The following CPAP variants were observed in gnomAD, a reference collection of about 807,000 sequenced individuals.
The protein encoded by CPAP is centrosomal P4.1-associated protein.
chr13:24,933,951 C>T, the CPAP span, among the ~76,000 whole-genome samples: 3 of 152,244 alleles, frequency 2.0e-5, no homozygotes, highest in East Asian at 5.8e-4. Flanking sequence ...GTCTTAAACT[C>T]CTGACCTCAT....
At chr13:24,882,906 C>A in the CPAP span, 1 of 436,780 alleles carries the variant, frequency 2.3e-6, no homozygotes, top group Non-Finnish European at 4.2e-6. Context: ...AACCAATAAA[C>A]ACACCCACTT....
chr13:24,892,534 C>A, the CPAP span: 9 of 848,188 alleles, frequency 1.1e-5, no homozygotes, highest in Non-Finnish European at 1.8e-5. Context: ...TCCCCACTGC[C>A]CCCCCAGCCC....
the CPAP span, chr13:24,924,970 C>T: frequency 6.6e-6 from 1 of 152,110 alleles, no homozygotes; most frequent in East Asian, 1.9e-4. Context: ...TAGCAAAAAA[C>T]CTCCACATAG....
chr13:24,900,967 C>T, the CPAP span, among the ~76,000 whole-genome samples: 4 of 152,252 alleles, frequency 2.6e-5, no homozygotes, highest in Admixed American at 6.5e-5. Flanking sequence ...CAGGAGCTCA[C>T]TTTTTCTAAA....
chr13:24,898,455 G>A, the CPAP span, among the ~76,000 whole-genome samples: 21 of 152,190 alleles, frequency 1.4e-4, no homozygotes, highest in South Asian at 3.5e-3. Context: ...ATAGGTGGCC[G>A]GAGCAAGGGT....
the CPAP span, chr13:24,883,274 G>A: frequency 4.6e-4 from 740 of 1,613,900 alleles, 1 homozygote; most frequent in Admixed American, 1.3e-3. Context: ...TGCATATACG[G>A]TTTTAACAGT....
At chr13:24,886,302 T>TAG in the CPAP span, 2 of 1,289,068 alleles carry the variant, frequency 1.6e-6, no homozygotes, top group Non-Finnish European at 2.0e-6. Flanking sequence ...AGCTGGATGT[T>TAG]ACGGGAGAAT....
chr13:24,917,648 A>C, the CPAP span, among the ~76,000 whole-genome samples: 2 of 152,236 alleles, frequency 1.3e-5, no homozygotes, highest in African/African-American at 4.8e-5. Flanking sequence ...GTTTATGAAA[A>C]CAGTACAAGT....
chr13:24,924,124 C>T, the CPAP span, among the ~76,000 whole-genome samples: 60 of 152,170 alleles, frequency 3.9e-4, no homozygotes, highest in Admixed American at 9.8e-4. Context: ...TGAGCCACCG[C>T]GCCCGGCCCA....
the CPAP span, among the ~76,000 whole-genome samples, chr13:24,901,123 G>A: frequency 1.3e-5 from 2 of 152,128 alleles, no homozygotes; most frequent in Admixed American, 6.5e-5. Flanking sequence ...CTCACTGGAG[G>A]GAGAGCAGAC....
chr13:24,920,492 G>A, the CPAP span, among the ~76,000 whole-genome samples: 15 of 151,984 alleles, frequency 9.9e-5, no homozygotes, highest in Non-Finnish European at 1.9e-4. Context: ...CCAATGTGAT[G>A]TACATTTTCT....
chr13:24,904,550 G>A, the CPAP span, among the ~76,000 whole-genome samples: 1 of 152,110 alleles, frequency 6.6e-6, no homozygotes, highest in Admixed American at 6.5e-5. Context: ...GAAACTAAAT[G>A]TGATCCACAA....
At chr13:24,912,901 T>C in the CPAP span, 1 of 1,614,200 alleles carries the variant, frequency 6.2e-7, no homozygotes, top group East Asian at 2.2e-5. Flanking sequence ...TCGCTTCTCT[T>C]TGTCTGCTTC....
At chr13:24,900,230 T>G in the CPAP span, among the ~76,000 whole-genome samples, 1 of 152,098 alleles carries the variant, frequency 6.6e-6, no homozygotes, top group Non-Finnish European at 1.5e-5. Context: ...GAGCAGCAAG[T>G]GCCAAGGCCC....
the CPAP span, chr13:24,892,545 C>T: frequency 2.1e-6 from 2 of 953,636 alleles, no homozygotes; most frequent in Non-Finnish European, 1.7e-6. Context: ...CCCCCAGCCC[C>T]TGGCAGCTCC....
chr13:24,898,048 G>A, the CPAP span, among the ~76,000 whole-genome samples: 7 of 152,192 alleles, frequency 4.6e-5, no homozygotes, highest in East Asian at 3.9e-4. Flanking sequence ...GGCACACCAC[G>A]ACACCCGGCT....
At chr13:24,915,031 C>T in the CPAP span, among the ~76,000 whole-genome samples, 1 of 151,952 alleles carries the variant, frequency 6.6e-6, no homozygotes, top group African/African-American at 2.4e-5. Context: ...GCCAAGATCA[C>T]ACCACTGCAC....
chr13:24,925,189 C>A, the CPAP span, among the ~76,000 whole-genome samples: 1 of 152,118 alleles, frequency 6.6e-6, no homozygotes, highest in Non-Finnish European at 1.5e-5. Context: ...GTTGCCCAGG[C>A]TGGTCTCTAA....
the CPAP span, among the ~76,000 whole-genome samples, chr13:24,923,106 C>T: frequency 1.3e-5 from 2 of 152,220 alleles, no homozygotes; most frequent in South Asian, 2.1e-4. Context: ...GACGTCGCCC[C>T]AGGCTCCCAC....
Sources: gnomAD v4.1 joint callset for allele counts (sites outside exome capture counted in the v4.1 genomes callset) on GRCh38, gnomAD v4.1.1 for gene constraint, MANE v1.5 for transcripts, NCBI Gene and HGNC (gene_info 2026-07-23, HGNC 2026-07-21) for gene names.